Variants in YPEL2 observed in about 807,000 individuals in gnomAD.
YPEL2 encodes the protein protein yippee-like 2.
YPEL2 carries 2 observed loss-of-function variants against 19.1 expected under a neutral mutation model. That is an observed-to-expected ratio of 0.10 (90% CI 0.04 to 0.33). YPEL2 has a LOEUF of 0.33. Ranked by LOEUF, YPEL2 falls within the 10% of genes least tolerant of loss-of-function variation. The probability of loss-of-function intolerance (pLI) is 1.00; values close to 1 mark genes in which losing one functional copy is unlikely to be tolerated. For synonymous variants in YPEL2, 52 were observed against 50.0 expected, an observed-to-expected ratio of 1.04 and a Z score of -0.17; for missense variants, 66 against 140.7, an observed-to-expected ratio of 0.47 and a Z score of 2.68.
chr17:59,343,425 G>T (rs943875270), intron 1 of YPEL2, among the ~76,000 whole-genome samples: 1 of 152,124 alleles, frequency 6.6e-6, no homozygotes, highest in Non-Finnish European at 1.5e-5. Flanking sequence ...GTCTTATGGG[G>T]ATAGAGACTC....
chr17:59,354,423 T>C (rs932556238), intron 2 of YPEL2: 3 of 152,220 alleles, frequency 2.0e-5, no homozygotes, highest in Admixed American at 6.5e-5. Context: ...GTTTTTTGTT[T>C]TGTTTTTAAA....
chr17:59,381,034 G>T (rs1307970230), intron 2 of YPEL2, among the ~76,000 whole-genome samples: 1 of 152,230 alleles, frequency 6.6e-6, no homozygotes, highest in African/African-American at 2.4e-5. Context: ...AGGAGGAGAG[G>T]TAGGGACTTT....
Position 59,397,213 on chromosome 17 carries a change from A to G in YPEL2, c.*23A>G. 1 of 1,555,248 alleles carries G rather than the reference A, an allele frequency of 6.4e-7. No homozygotes were observed. Among genetic ancestry groups the G allele is most frequent in the East Asian group, 2.4e-5 (1 of 42,502 alleles). ...TGATTGGACAGCATCTACCCAACCC[A>G]GTGTCCACGTGAACGCCATTCAACC... On this transcript the variant is annotated 3_prime_UTR_variant, in exon 5 of 5. Transcript: ENST00000312655.
In YPEL2 at chr17:59,353,928, T is replaced by A. The variant is rs757915467; in HGVS notation, c.117+402T>A. Reference sequence around the variant, plus strand: ...TTGTAAGAGGGGTTCCTTAGCAAGATGAGAGAGCCACCAGGAAGTTGTGAG... The same window carrying A: ...TTGTAAGAGGGGTTCCTTAGCAAGAAGAGAGAGCCACCAGGAAGTTGTGAG... On this transcript the variant is annotated intron_variant, in intron 2 of 4. Coordinates refer to ENST00000312655, the MANE Select transcript of YPEL2 (RefSeq NM_001005404.4). This position sits in a 1 kb window ranked among gnomAD's most constrained non-coding sequence, Gnocchi z 4.8. 3.4e-6 allele frequency: 1 copy of A among 295,490 alleles called. No individual in the cohort carries two copies. The highest frequency in any genetic ancestry group is 3.1e-5 in the South Asian group (1 of 32,004). The allele number at this position is 295,490 out of a possible 1,614,324, so 18.3% of individuals were successfully genotyped here.
At chr17:59,361,306 TGC>T (rs2047839660) in intron 2 of YPEL2, among the ~76,000 whole-genome samples, 1 of 152,226 alleles carries the variant, frequency 6.6e-6, no homozygotes, top group Non-Finnish European at 1.5e-5. Flanking sequence ...TGTGTGTGTG[TGC>T]GCGTGCATGC....
intron 4 of YPEL2, among the ~76,000 whole-genome samples, chr17:59,395,752 G>A (rs2048035701): frequency 1.3e-5 from 2 of 152,138 alleles, no homozygotes; most frequent in South Asian, 2.1e-4. Context: ...TCCTCTCCCT[G>A]TCTTCTCTAA....
intron 2 of YPEL2, among the ~76,000 whole-genome samples, chr17:59,361,900 G>C (rs2047842839): frequency 6.6e-6 from 1 of 152,206 alleles, no homozygotes; most frequent in African/African-American, 2.4e-5. Context: ...GCTGGTAAAA[G>C]GAGCATCAGG....
intron 1 of YPEL2, among the ~76,000 whole-genome samples, chr17:59,343,063 T>C (rs59292678): frequency 0.044 from 6,731 of 152,290 alleles, 522 homozygotes; most frequent in African/African-American, 0.15. Context: ...GTGGCTCATC[T>C]GGGTAATTTC....
chr17:59,348,471 C>T (rs886958162), intron 1 of YPEL2, among the ~76,000 whole-genome samples: 2 of 152,208 alleles, frequency 1.3e-5, no homozygotes, highest in African/African-American at 4.8e-5. Flanking sequence ...TTGGGGAAGG[C>T]CTGTTGGCCG....
Position 59,390,262 on chromosome 17 carries a change from A to AC in YPEL2, c.270+794_270+795insC, listed in dbSNP as rs369704118. On this transcript the variant is annotated intron_variant, in intron 4 of 4. Transcript: ENST00000312655. ...GGTGATCCACCCCCGTCAGGCTCCC[A>AC]AAGTGCTGGGATTACAGGTGTGAGC... Among the ~76,000 whole-genome samples, 281 of 152,298 alleles carry AC rather than the reference A, an allele frequency of 1.8e-3. 2 individuals are homozygous for AC. Among genetic ancestry groups the AC allele is most frequent in the African/African-American group, 6.3e-3 (262 of 41,558 alleles).
At chr17:59,339,077 C>T (rs1419945141) in intron 1 of YPEL2, among the ~76,000 whole-genome samples, 1 of 151,894 alleles carries the variant, frequency 6.6e-6, no homozygotes, top group Non-Finnish European at 1.5e-5. Context: ...TTGTGTTGCC[C>T]CTACACGTCA....
intron 2 of YPEL2, among the ~76,000 whole-genome samples, chr17:59,380,556 C>A (rs1454014052): frequency 1.3e-5 from 2 of 152,204 alleles, no homozygotes; most frequent in Non-Finnish European, 2.9e-5. Flanking sequence ...AAGCATGAGC[C>A]ACCACGGCCA....
At chr17:59,395,804 C>T (rs1399643895) in intron 4 of YPEL2, among the ~76,000 whole-genome samples, 1 of 152,164 alleles carries the variant, frequency 6.6e-6, no homozygotes, top group Non-Finnish European at 1.5e-5. Context: ...GGCGTCCGGG[C>T]GCGGTGGCTC....
At chr17:59,391,045 G>A (rs530327186) in intron 4 of YPEL2, among the ~76,000 whole-genome samples, 6 of 152,216 alleles carry the variant, frequency 3.9e-5, no homozygotes, top group East Asian at 1.9e-4. Flanking sequence ...CAGCCTGCAC[G>A]TGTACATCCA....
intron 1 of YPEL2, among the ~76,000 whole-genome samples, chr17:59,344,513 T>C (rs1484340500): frequency 6.6e-6 from 1 of 152,122 alleles, no homozygotes; most frequent in Non-Finnish European, 1.5e-5. Context: ...ATCCCAGCAC[T>C]TTGAGAGGCT....
intron 2 of YPEL2, among the ~76,000 whole-genome samples, chr17:59,358,473 C>G (rs2047824257): frequency 6.6e-6 from 1 of 151,930 alleles, no homozygotes. Flanking sequence ...AGTGTAGTAC[C>G]CCCATGCAGT....
intron 2 of YPEL2, among the ~76,000 whole-genome samples, chr17:59,358,493 G>A (rs2047824360): frequency 6.6e-6 from 1 of 151,950 alleles, no homozygotes; most frequent in Admixed American, 6.6e-5. Context: ...TGGCGTAGGG[G>A]CAGTGCTAAG....
intron 1 of YPEL2, among the ~76,000 whole-genome samples, chr17:59,337,278 C>T (rs1428093460): frequency 7.3e-5 from 11 of 151,026 alleles, no homozygotes; most frequent in Non-Finnish European, 1.5e-4. Flanking sequence ...AGCTCCGCCT[C>T]CCGGGTTCAC....
At chr17:59,376,168 A>G (rs1375630164) in intron 2 of YPEL2, among the ~76,000 whole-genome samples, 6 of 152,062 alleles carry the variant, frequency 3.9e-5, no homozygotes, top group Admixed American at 2.6e-4. Flanking sequence ...TCTTCCCTAG[A>G]CTTTAGAGCC....
Sources: gnomAD v4.1 joint callset for allele counts (sites outside exome capture counted in the v4.1 genomes callset) on GRCh38, gnomAD v4.1.1 for gene constraint, Gnocchi (gnomAD v3.1) non-coding constraint, MANE v1.5 for transcripts, NCBI Gene and HGNC (gene_info 2026-07-23, HGNC 2026-07-21) for gene names.